Variants in DAB1 observed in about 807,000 individuals in gnomAD.
DAB1 encodes DAB adaptor protein 1, also known as disabled homolog 1.
A neutral mutation model predicts 64.6 loss-of-function variants in DAB1; 15 were observed. The ratio of observed to expected loss-of-function variants is 0.23; its 90% CI spans 0.16 to 0.36. The LOEUF is 0.36. DAB1 is among the 10% of genes least tolerant of loss of function. DAB1 has a pLI of 1.00. For synonymous variants in DAB1, 235 were observed against 251.9 expected, an observed-to-expected ratio of 0.93 and a Z score of 0.64; for missense variants, 596 against 706.7, an observed-to-expected ratio of 0.84 and a Z score of 1.78.
At chr1:57,460,136 A>G (rs967494710) in intron 7 of DAB1, among the ~76,000 whole-genome samples, 1 of 152,206 alleles carries the variant, frequency 6.6e-6, no homozygotes, top group African/African-American at 2.4e-5. Flanking sequence ...CAAACAAACC[A>G]TTAGTTGTGA....
chr1:58,106,608 T>C (rs932307011), intron 5 of DAB1, among the ~76,000 whole-genome samples: 1 of 152,198 alleles, frequency 6.6e-6, no homozygotes, highest in East Asian at 1.9e-4. Context: ...CTTTCAGCGA[T>C]AGGGTTGCAA....
intron 5 of DAB1, among the ~76,000 whole-genome samples, chr1:58,064,499 C>A (rs976210445): frequency 6.6e-6 from 1 of 152,116 alleles, no homozygotes; most frequent in Admixed American, 6.5e-5. Context: ...AGAATAAAGG[C>A]AGCCCACTCC....
chr1:57,677,723 T>C (rs1314563906), intron 6 of DAB1, among the ~76,000 whole-genome samples: 3 of 152,188 alleles, frequency 2.0e-5, no homozygotes, highest in Non-Finnish European at 4.4e-5. Context: ...ATCAGAGGCA[T>C]GGGGAAATCC....
chr1:57,645,771 T>C (rs1361088543), intron 7 of DAB1, among the ~76,000 whole-genome samples: 1 of 152,316 alleles, frequency 6.6e-6, no homozygotes, highest in East Asian at 1.9e-4. Flanking sequence ...GGGCAGAGAT[T>C]TGAATCTAAG....
intron 5 of DAB1, among the ~76,000 whole-genome samples, chr1:57,911,542 G>A (rs1644644619): frequency 6.6e-6 from 1 of 152,098 alleles, no homozygotes; most frequent in Non-Finnish European, 1.5e-5. Context: ...GAGCTTACCA[G>A]CCACTCCCAA....
At chr1:57,833,064 T>C (rs1420789307) in intron 1 of DAB1, among the ~76,000 whole-genome samples, 1 of 31,824 alleles carries the variant, frequency 3.1e-5, no homozygotes, top group East Asian at 8.7e-4. Context: ...GGACTGAGAC[T>C]GAAAAAAAAA....
chr1:57,090,334 A>G (rs984526080), intron 4 of DAB1, among the ~76,000 whole-genome samples: 4 of 152,186 alleles, frequency 2.6e-5, no homozygotes, highest in African/African-American at 9.7e-5. Context: ...CACAAGGATG[A>G]AAATCCAGGG....
chr1:57,071,014 A>G lies in DAB1; in HGVS notation c.597+9T>C. The G allele has an allele frequency of 6.2e-7, 1 of 1,611,626 alleles. No individual in the cohort carries two copies. The highest frequency in any genetic ancestry group is 8.5e-7 in the Non-Finnish European group (1 of 1,177,694). ...TGAATCTAAAACCCCGACTAGTTTC[A>G]GAAATTACCTGGTACACAGGATCTT... On this transcript the variant is annotated intron_variant, in intron 7 of 14. Coordinates refer to ENST00000371236, the MANE Select transcript of DAB1 (RefSeq NM_001365792.1).
chr1:57,675,176 C>A (rs888703960), intron 6 of DAB1, among the ~76,000 whole-genome samples: 1 of 152,166 alleles, frequency 6.6e-6, no homozygotes, highest in Non-Finnish European at 1.5e-5. Flanking sequence ...GTAAGAAAAA[C>A]CAAACTTTGG....
At chr1:58,541,847 A>T (rs1296141861) in intron 1 of DAB1, among the ~76,000 whole-genome samples, 1 of 152,200 alleles carries the variant, frequency 6.6e-6, no homozygotes, top group African/African-American at 2.4e-5. Flanking sequence ...CACAAAGGAC[A>T]TAAAGTCAAT....
chr1:57,045,618 A>C (rs894996875), intron 9 of DAB1, among the ~76,000 whole-genome samples: 5 of 152,140 alleles, frequency 3.3e-5, no homozygotes, highest in Non-Finnish European at 5.9e-5. Context: ...GAATCACTTG[A>C]ACCTGGGAAG....
intron 6 of DAB1, among the ~76,000 whole-genome samples, chr1:57,660,479 C>T (rs973675969): frequency 6.6e-6 from 1 of 152,140 alleles, no homozygotes; most frequent in South Asian, 2.1e-4. Flanking sequence ...TGTTGTAAAC[C>T]TTTTGTATAC....
rs146580910 is a variant in DAB1, at chr1:58,305,236, A to T, written n.309+38116T>A. ...TGTGGATAACTGTGCCCTGCAAAAA[A>T]TAAGTGTTCTTTGAACTGAAATGTC... On this transcript the variant is annotated intron_variant and non_coding_transcript_variant, in intron 4 of 20. Transcript: ENST00000485760. Among the ~76,000 whole-genome samples the T allele has an allele frequency of 2.9e-3, 448 of 152,316 alleles. 5 individuals are homozygous for T. The highest frequency in any genetic ancestry group is 0.01 in the African/African-American group (432 of 41,588).
At chr1:57,080,416 G>T (rs1652390866) in intron 4 of DAB1, among the ~76,000 whole-genome samples, 1 of 152,172 alleles carries the variant, frequency 6.6e-6, no homozygotes, top group African/African-American at 2.4e-5. Flanking sequence ...GTGGAATTCA[G>T]TAAATACTCA....
At chr1:57,964,067 G>A (rs544810777) in intron 5 of DAB1, among the ~76,000 whole-genome samples, 2 of 152,294 alleles carry the variant, frequency 1.3e-5, no homozygotes, top group South Asian at 4.1e-4. Flanking sequence ...TGGGCCCCCT[G>A]TGAAGGGGAG....
At chr1:58,275,056 A>G (rs1661408510) in intron 4 of DAB1, among the ~76,000 whole-genome samples, 2 of 152,240 alleles carry the variant, frequency 1.3e-5, no homozygotes, top group Admixed American at 1.3e-4. Flanking sequence ...TTTTTAACAA[A>G]GGTGCCAAGA....
At chr1:58,366,230 A>G (rs577056693) in intron 3 of DAB1, among the ~76,000 whole-genome samples, 6 of 152,124 alleles carry the variant, frequency 3.9e-5, no homozygotes, top group Admixed American at 6.5e-5. Flanking sequence ...CCCTCTTGCA[A>G]GCTCTCAGCC....
At chr1:57,496,336 C>T (rs1037156430) in intron 7 of DAB1, among the ~76,000 whole-genome samples, 2 of 152,096 alleles carry the variant, frequency 1.3e-5, no homozygotes, top group African/African-American at 4.8e-5. Flanking sequence ...CATTTGACTA[C>T]AGGAGAGAAC....
chr1:58,164,150 GC>G (rs1172828181), intron 4 of DAB1, among the ~76,000 whole-genome samples: 1 of 139,682 alleles, frequency 7.2e-6, no homozygotes, highest in Non-Finnish European at 1.5e-5. Flanking sequence ...CACAGATTTA[GC>G]CCATGAAAGC....
Sources: gnomAD v4.1 joint callset for allele counts (sites outside exome capture counted in the v4.1 genomes callset) on GRCh38, gnomAD v4.1.1 for gene constraint, MANE v1.5 for transcripts, NCBI Gene and HGNC (gene_info 2026-07-23, HGNC 2026-07-21) for gene names.